Variants in CHDH observed in about 807,000 individuals in gnomAD.
The protein encoded by CHDH is choline dehydrogenase, mitochondrial.
In CHDH, 43 loss-of-function variants were observed where a neutral mutation model predicts 56.9. The observed-to-expected ratio is 0.76, with a 90% CI of 0.59 to 0.97. CHDH has a LOEUF of 0.97. CHDH is among the 50% of genes least tolerant of loss of function. The pLI, the probability that CHDH is intolerant of heterozygous loss-of-function variation, is 0.00. For synonymous variants in CHDH, 364 were observed against 348.5 expected (o/e 1.04, Z -0.50); for missense variants, 816 against 821.1 (o/e 0.99, Z 0.08).
chr3:53,816,131 A>ACCCCCCCCCC lies in CHDH; in HGVS notation c.*1645_*1646insGGGGGGGGGG, dbSNP rs202031062. 17 of 87,002 alleles carry ACCCCCCCCCC rather than the reference A, an allele frequency of 2.0e-4. 1 individual carries two copies. Among genetic ancestry groups the ACCCCCCCCCC allele is most frequent in the African/African-American group, 7.0e-4 (10 of 14,312 alleles). 5.4% of individuals were successfully genotyped at this position (87,002 alleles called of 1,614,324 possible). ...CAGAAAACTAACTTGTGGCTGTCGG[A>ACCCCCCCCCC]CGCCCCCCCCCCCCGCCCCAGTCTG... On this transcript the variant is annotated 3_prime_UTR_variant, in exon 9 of 9. Coordinates refer to ENST00000315251, the MANE Select transcript of CHDH (RefSeq NM_018397.5).
At chr3:53,837,357 C>A (rs1040156912) in intron 2 of CHDH, among the ~76,000 whole-genome samples, 7 of 152,246 alleles carry the variant, frequency 4.6e-5, no homozygotes, top group Non-Finnish European at 1.0e-4. Flanking sequence ...GCCCCTTGTG[C>A]CCTGGCTGCT....
chr3:53,839,957 C>T (rs889075411), intron 2 of CHDH, among the ~76,000 whole-genome samples: 16 of 152,284 alleles, frequency 1.1e-4, no homozygotes, highest in African/African-American at 3.6e-4. Context: ...TGAAATAAGC[C>T]AAGCACAGAA....
intron 1 of CHDH, among the ~76,000 whole-genome samples, chr3:53,844,947 A>G (rs1281024655): frequency 6.6e-6 from 1 of 152,236 alleles, no homozygotes; most frequent in Non-Finnish European, 1.5e-5. Context: ...TGTCCTTGAA[A>G]ATAATTCTCA....
intron 2 of CHDH, 145 bp from the exon 3 acceptor site, chr3:53,824,212 G>A (rs2095634655): frequency 1.9e-6 from 1 of 531,592 alleles, no homozygotes; most frequent in Admixed American, 3.8e-5. Context: ...GGACACACAG[G>A]AATTTCAGAA....
chr3:53,846,252 G>A lies in CHDH; in HGVS notation c.-300C>T, dbSNP rs1019342876. On this transcript the variant is annotated 5_prime_UTR_variant, in exon 1 of 9. Transcript: ENST00000315251. The stretch of plus-strand genomic sequence containing the variant: ...TTCCGACCCGGTCGGCCCCGGAGCC[G>A]CGAGGCTAGCTGGGCTCCAGCGGAG... 2.9e-5 allele frequency: 8 copies of A among 271,212 alleles called. No homozygotes were observed. The highest frequency in any genetic ancestry group is 5.5e-5 in the Non-Finnish European group (8 of 145,848). 16.8% of individuals were successfully genotyped at this position (271,212 alleles called of 1,614,324 possible). A position where few individuals can be genotyped will look rare whatever the true frequency, so the allele number is the denominator to read the frequency against.
chr3:53,817,678 G>T lies in CHDH; in HGVS notation c.*99C>A. 2 of 1,014,162 alleles carry T rather than the reference G, an allele frequency of 2.0e-6. No homozygotes were observed. The highest frequency in any genetic ancestry group is 1.7e-5 in the South Asian group (1 of 60,402). The allele number at this position is 1,014,162 out of a possible 1,614,324, so 62.8% of individuals were successfully genotyped here. ...AGTAGGGTACCACCTGGGTCCTAGT[G>T]TGCTAGATAGTTTCAGGCAGGAGCC... On this transcript the variant is annotated 3_prime_UTR_variant, in exon 9 of 9. Coordinates refer to ENST00000315251, the MANE Select transcript of CHDH (RefSeq NM_018397.5).
chr3:53,830,947 G>C (rs1698314667), intron 2 of CHDH, among the ~76,000 whole-genome samples: 1 of 152,142 alleles, frequency 6.6e-6, no homozygotes, highest in African/African-American at 2.4e-5. Context: ...CAGTGGAGGA[G>C]AGCACCAAGA....
At position 53,822,531 on chromosome 3, in the gene CHDH, G is replaced by A; in HGVS notation, c.815C>T (p.Ala272Val). ...ATTCTTGACATACTCCACGCCCACT[G>A]CACGGGTGCCCTCAAATAGCACCCT... ...VSRVLFEGTR[A>V]VGVEYVKNGQ... is the part of the protein sequence containing the mutation. The change falls in exon 4 of 9, where the codon GCA becomes GTA. Residue 272 changes from alanine to valine, a missense_variant. Coordinates refer to ENST00000315251, the MANE Select transcript of CHDH (RefSeq NM_018397.5). The A allele has an allele frequency of 6.2e-7, 1 of 1,613,642 alleles. No individual in the cohort carries two copies.
At chr3:53,820,451 A>T (rs2095624026) in intron 6 of CHDH, 23 bp downstream of exon 6, 1 of 1,598,028 alleles carries the variant, frequency 6.3e-7, no homozygotes, top group Admixed American at 1.7e-5. Context: ...GTCTCCTCCC[A>T]GGTTACTGGT....
chr3:53,820,142 C>T (rs2095623440), intron 6 of CHDH, among the ~76,000 whole-genome samples: 1 of 152,210 alleles, frequency 6.6e-6, no homozygotes, highest in African/African-American at 2.4e-5. Flanking sequence ...ACCTTTTCTC[C>T]TGGCTCCTTG....
chr3:53,839,753 C>G (rs1214473425), intron 2 of CHDH, among the ~76,000 whole-genome samples: 1 of 152,250 alleles, frequency 6.6e-6, no homozygotes, highest in Non-Finnish European at 1.5e-5. Flanking sequence ...AAAGAGATAT[C>G]TGCACATTCA....
intron 2 of CHDH, among the ~76,000 whole-genome samples, chr3:53,839,672 A>G (rs750848317): frequency 6.6e-6 from 1 of 152,254 alleles, no homozygotes; most frequent in Non-Finnish European, 1.5e-5. Flanking sequence ...AACACTAAAA[A>G]TAGAAATATC....
intron 1 of CHDH, among the ~76,000 whole-genome samples, chr3:53,842,404 A>G (rs1294505712): frequency 1.3e-5 from 2 of 152,208 alleles, no homozygotes; most frequent in African/African-American, 4.8e-5. Context: ...TGACAGGGTG[A>G]TCCTCCCTGC....
Position 53,819,132 on chromosome 3 carries a change from G to A in CHDH, c.1264-92C>T. 1 of 855,662 alleles carries A rather than the reference G, an allele frequency of 1.2e-6. No homozygotes were observed. The highest frequency in any genetic ancestry group is 1.6e-5 in the South Asian group (1 of 63,382). 53.0% of individuals were successfully genotyped at this position (855,662 alleles called of 1,614,324 possible). ...TGGTTTACCTGTAGGGTGGGCCTCT[G>A]CTTCCAGAATCAGTGGGGAACAGAT... On this transcript the variant is annotated intron_variant, in intron 7 of 8. Coordinates refer to ENST00000315251, the MANE Select transcript of CHDH (RefSeq NM_018397.5). This position sits in a 1 kb window ranked among gnomAD's most constrained non-coding sequence, Gnocchi z 5.4.
At chr3:53,827,219 C>G (rs1308513572) in intron 2 of CHDH, among the ~76,000 whole-genome samples, 1 of 152,160 alleles carries the variant, frequency 6.6e-6, no homozygotes, top group Non-Finnish European at 1.5e-5. Flanking sequence ...TCTTGCTGTT[C>G]TCATGATAGT....
chr3:53,823,317 G>T lies in CHDH; in HGVS notation c.692C>A (p.Thr231Asn). Residue 231 changes from threonine to asparagine, a missense_variant, in exon 3 of 9, where the codon ACC becomes AAC. Coordinates refer to ENST00000315251, the MANE Select transcript of CHDH (RefSeq NM_018397.5). ...QQEGFGWMDM[T>N]IHEGKRWSAA... Reference sequence around the variant, plus strand: ...AGGGAGACCACTACCTTCATGGATGGTCATGTCCATCCAGCCGAAGCCCTC... The same window carrying T: ...AGGGAGACCACTACCTTCATGGATGTTCATGTCCATCCAGCCGAAGCCCTC... The T allele has an allele frequency of 1.3e-6, 2 of 1,569,636 alleles. No homozygotes were observed. The highest frequency in any genetic ancestry group is 1.7e-6 in the Non-Finnish European group (2 of 1,155,838).
chr3:53,820,431 C>T lies in CHDH; in HGVS notation c.1120+43G>A, dbSNP rs1189239809. Reference sequence around the variant, plus strand: ...GCTCCTCAGGAAGGAGGTCTCAATGCTTATAGGCAGTCTCCTCCCAGGTTA... The same window carrying T: ...GCTCCTCAGGAAGGAGGTCTCAATGTTTATAGGCAGTCTCCTCCCAGGTTA... On this transcript the variant is annotated intron_variant, in intron 6 of 8. Transcript: ENST00000315251. 4 of 1,582,128 alleles carry T rather than the reference C, an allele frequency of 2.5e-6. No homozygotes were observed. In the African/African-American group the frequency reaches 5.4e-5, roughly 21 times the overall value.
intron 1 of CHDH, among the ~76,000 whole-genome samples, chr3:53,841,235 T>C (rs1007727058): frequency 1.3e-5 from 2 of 152,184 alleles, no homozygotes; most frequent in Non-Finnish European, 1.5e-5. Flanking sequence ...TGAGAAGCAC[T>C]GTTATGGACC....
At chr3:53,821,255 C>T (rs1489494490) in intron 5 of CHDH, among the ~76,000 whole-genome samples, 2 of 152,194 alleles carry the variant, frequency 1.3e-5, no homozygotes, top group African/African-American at 2.4e-5. Flanking sequence ...CTCTGGAGCA[C>T]GGAGCTGACC....
Sources: gnomAD v4.1 joint callset for allele counts (sites outside exome capture counted in the v4.1 genomes callset) on GRCh38, gnomAD v4.1.1 for gene constraint, Gnocchi (gnomAD v3.1) non-coding constraint, MANE v1.5 for transcripts, NCBI Gene and HGNC (gene_info 2026-07-23, HGNC 2026-07-21) for gene names.